Variants in DCDC2 observed in about 807,000 individuals in gnomAD.
DCDC2 encodes the protein doublecortin domain containing 2.
DCDC2 carries 40 observed loss-of-function variants against 50.2 expected under a neutral mutation model. That is an observed-to-expected ratio of 0.80 (90% CI 0.62 to 1.04). The LOEUF (loss-of-function observed/expected upper bound fraction) is 1.04, where lower values mean the gene tolerates loss of function less well. Among genes scored for constraint, DCDC2 ranks in the 50% least tolerant of loss-of-function variants. The pLI, the probability that DCDC2 is intolerant of heterozygous loss-of-function variation, is 0.00. For synonymous variants in DCDC2, 234 were observed against 210.6 expected, an observed-to-expected ratio of 1.11 and a Z score of -0.96; for missense variants, 570 against 581.9, an observed-to-expected ratio of 0.98 and a Z score of 0.21.
At chr6:24,239,751 A>G (rs1397972086) in intron 7 of DCDC2, among the ~76,000 whole-genome samples, 1 of 152,240 alleles carries the variant, frequency 6.6e-6, no homozygotes, top group Non-Finnish European at 1.5e-5. Flanking sequence ...ATAAAGAAGA[A>G]TGAAGCCAAG....
At chr6:24,223,724 C>G (rs755565766) in intron 7 of DCDC2, among the ~76,000 whole-genome samples, 15 of 152,296 alleles carry the variant, frequency 9.8e-5, no homozygotes, top group South Asian at 2.1e-4. Context: ...AGGATCATGC[C>G]AACCAGTCTT....
chr6:24,373,138 G>GT, the DCDC2 span, among the ~76,000 whole-genome samples: 3 of 152,234 alleles, frequency 2.0e-5, no homozygotes, highest in East Asian at 5.8e-4. Flanking sequence ...ATCCACCACT[G>GT]GTGAAACTAT....
chr6:24,258,424 G>A (rs528392323), intron 7 of DCDC2, among the ~76,000 whole-genome samples: 4 of 151,950 alleles, frequency 2.6e-5, no homozygotes, highest in South Asian at 2.1e-4. Flanking sequence ...GCTAATTGGC[G>A]CATTTTACAA....
intron 8 of DCDC2, among the ~76,000 whole-genome samples, chr6:24,186,468 T>G (rs1233683729): frequency 7.9e-5 from 12 of 152,206 alleles, no homozygotes; most frequent in Non-Finnish European, 1.6e-4. Context: ...CAAACACACA[T>G]ACCTGCGTGC....
chr6:24,316,872 C>T (rs755185066), intron 2 of DCDC2, among the ~76,000 whole-genome samples: 35 of 151,474 alleles, frequency 2.3e-4, no homozygotes, highest in Non-Finnish European at 4.4e-4. Flanking sequence ...ATGACAAAGA[C>T]GATGCAAGTA....
At chr6:24,189,483 A>G (rs1761270464) in intron 8 of DCDC2, among the ~76,000 whole-genome samples, 1 of 152,200 alleles carries the variant, frequency 6.6e-6, no homozygotes, top group Non-Finnish European at 1.5e-5. Context: ...TGACAGTAAC[A>G]GCAGCAACAA....
intron 8 of DCDC2, among the ~76,000 whole-genome samples, chr6:24,186,571 G>A (rs758104383): frequency 1.3e-4 from 20 of 152,194 alleles, no homozygotes; most frequent in South Asian, 2.1e-4. Flanking sequence ...AACAAGGCAC[G>A]TGGCTAAGGC....
At chr6:24,179,131 G>T (rs1760992091) in intron 8 of DCDC2, among the ~76,000 whole-genome samples, 1 of 152,106 alleles carries the variant, frequency 6.6e-6, no homozygotes, top group Admixed American at 6.5e-5. Flanking sequence ...CATGTTTTCT[G>T]ACGTGGAATG....
rs934658983 is a variant in DCDC2 at position 24,232,030 on chromosome 6, TACAC to T, written c.923-26932_923-26929del. 3.7e-5 allele frequency among the ~76,000 whole-genome samples: 5 copies of T among 135,222 alleles called. No homozygotes were observed. In the South Asian group the frequency reaches 9.3e-4, roughly 25 times the overall value. The allele number at this position is 135,222 out of a possible 152,430, so 88.7% of individuals were successfully genotyped here. Reference sequence around the variant, plus strand: ...ACACACACACACACACACACACACATACACACATACATACATATAACTAAAATGC... The same window carrying T: ...ACACACACACACACACACACACACATACATACATACATATAACTAAAATGC... On this transcript the variant is annotated intron_variant, in intron 7 of 9. Transcript: ENST00000378454.
At chr6:24,330,704 A>T (rs775032425) in intron 2 of DCDC2, among the ~76,000 whole-genome samples, 7 of 152,198 alleles carry the variant, frequency 4.6e-5, no homozygotes, top group Non-Finnish European at 8.8e-5. Context: ...GAAAGGAAAG[A>T]GTGGGCAGCC....
chr6:24,174,008 G>A lies in DCDC2; in HGVS notation c.*722C>T, dbSNP rs1760845026. Reference sequence around the variant, plus strand: ...CATTATCTGCAAACCATACATCCAGGCTTTATAATATAACTGGGTGCTCCT... The same window carrying A: ...CATTATCTGCAAACCATACATCCAGACTTTATAATATAACTGGGTGCTCCT... On this transcript the variant is annotated 3_prime_UTR_variant, in exon 10 of 10. Coordinates refer to ENST00000378454, the MANE Select transcript of DCDC2 (RefSeq NM_016356.5). 1 of 152,104 alleles carries A rather than the reference G, an allele frequency of 6.6e-6. No individual in the cohort carries two copies. Among genetic ancestry groups the A allele is most frequent in the South Asian group, 2.1e-4 (1 of 4,822 alleles). The allele number at this position is 152,104 out of a possible 1,614,324, so 9.4% of individuals were successfully genotyped here.
intron 7 of DCDC2, among the ~76,000 whole-genome samples, chr6:24,243,626 T>C (rs1250224944): frequency 6.6e-6 from 1 of 152,212 alleles, no homozygotes; most frequent in African/African-American, 2.4e-5. Context: ...GCAGCTTATA[T>C]GGAGCTGAGA....
chr6:24,316,658 A>C (rs1759673775), intron 2 of DCDC2, among the ~76,000 whole-genome samples: 1 of 152,178 alleles, frequency 6.6e-6, no homozygotes, highest in African/African-American at 2.4e-5. Flanking sequence ...ACTCTGTAGA[A>C]TTAGGTATTC....
chr6:24,371,322 G>A, the DCDC2 span, among the ~76,000 whole-genome samples: 2 of 150,358 alleles, frequency 1.3e-5, no homozygotes, highest in Non-Finnish European at 3.0e-5. Flanking sequence ...AGAACTAGGA[G>A]GCTGGATGCC....
Position 24,251,427 on chromosome 6 carries a change from C to G in DCDC2, c.922+26622G>C, listed in dbSNP as rs557121652. Among the ~76,000 whole-genome samples, 15 of 152,294 alleles carry G rather than the reference C, an allele frequency of 9.8e-5. No individual in the cohort carries two copies. The South Asian group carries it at 2.1e-3, about 21-fold the overall frequency. On this transcript the variant is annotated intron_variant, in intron 7 of 9. Coordinates refer to ENST00000378454, the MANE Select transcript of DCDC2 (RefSeq NM_016356.5). ...AAGTTTGGACAGCAATGTTAGGTTA[C>G]CTTGGCTTCCACAGCTGGTATGGCT...
chr6:24,281,630 T>A (rs1277086868), intron 6 of DCDC2, among the ~76,000 whole-genome samples: 1 of 151,718 alleles, frequency 6.6e-6, no homozygotes, highest in Non-Finnish European at 1.5e-5. Flanking sequence ...TTTTACACAA[T>A]TACATAAATT....
chr6:24,351,909 G>A (rs1561784904), intron 2 of DCDC2, among the ~76,000 whole-genome samples: 2 of 152,148 alleles, frequency 1.3e-5, no homozygotes, highest in Admixed American at 1.3e-4. Context: ...TTCAAGACCA[G>A]CCTGACCAAC....
chr6:24,267,351 T>C (rs1021451852), intron 7 of DCDC2, among the ~76,000 whole-genome samples: 9 of 152,316 alleles, frequency 5.9e-5, no homozygotes, highest in Admixed American at 3.9e-4. Flanking sequence ...AGGTTATAGA[T>C]ACCCCATTTA....
intron 7 of DCDC2, among the ~76,000 whole-genome samples, chr6:24,221,697 T>A (rs888249726): frequency 6.6e-6 from 1 of 152,236 alleles, no homozygotes; most frequent in Non-Finnish European, 1.5e-5. Context: ...TGCCTCACAA[T>A]TACCTGTGAA....
Sources: allele counts gnomAD v4.1 joint callset (sites outside exome capture counted in the v4.1 genomes callset), GRCh38; gene constraint gnomAD v4.1.1; transcripts MANE v1.5; gene names NCBI Gene and HGNC (gene_info 2026-07-23, HGNC 2026-07-21).